MARCHF1: variants seen among roughly 807,000 people sequenced by gnomAD.
MARCHF1 encodes E3 ubiquitin-protein ligase MARCHF1.
A neutral mutation model predicts 54.2 loss-of-function variants in MARCHF1; 40 were observed. That is an observed-to-expected ratio of 0.74 (90% CI 0.57 to 0.96). The LOEUF is 0.96. Ranked by LOEUF, MARCHF1 falls within the 40% of genes least tolerant of loss-of-function variation. MARCHF1 has a pLI of 0.00. For synonymous variants in MARCHF1, 236 were observed against 236.3 expected (o/e 1.00, Z 0.01); for missense variants, 586 against 656.5 (o/e 0.89, Z 1.17).
chr4:164,100,418 CATTT>C (rs1755516171), intron 2 of MARCHF1, among the ~76,000 whole-genome samples: 1 of 152,188 alleles, frequency 6.6e-6, no homozygotes, highest in African/African-American at 2.4e-5. Flanking sequence ...TTCATTTAAA[CATTT>C]AGAGTTCCTT....
chr4:164,096,877 T>C (rs1464156163), intron 2 of MARCHF1, among the ~76,000 whole-genome samples: 1 of 152,178 alleles, frequency 6.6e-6, no homozygotes, highest in Non-Finnish European at 1.5e-5. Flanking sequence ...TAGTGACTGA[T>C]GCTCAGAAGC....
chr4:163,688,125 T>A (rs1169236566), intron 5 of MARCHF1, among the ~76,000 whole-genome samples: 3 of 151,296 alleles, frequency 2.0e-5, no homozygotes, highest in African/African-American at 7.3e-5. Context: ...TAGGGGGTGA[T>A]AAACCACACG....
intron 2 of MARCHF1, among the ~76,000 whole-genome samples, chr4:164,021,495 G>A (rs1753663573): frequency 1.3e-5 from 2 of 152,088 alleles, no homozygotes; most frequent in African/African-American, 4.8e-5. Context: ...AATTAAAAAA[G>A]TTAATTTCTA....
intron 7 of MARCHF1, among the ~76,000 whole-genome samples, chr4:163,607,488 G>A (rs560517724): frequency 2.0e-5 from 3 of 152,214 alleles, no homozygotes; most frequent in African/African-American, 7.2e-5. Context: ...AAGTGGATTT[G>A]AAGGGAAGCA....
At chr4:164,178,868 T>C (rs1354778597) in intron 1 of MARCHF1, among the ~76,000 whole-genome samples, 1 of 152,128 alleles carries the variant, frequency 6.6e-6, no homozygotes, top group East Asian at 1.9e-4. Flanking sequence ...AAATGAAAAT[T>C]ACCAAAACAG....
chr4:163,975,459 T>C (rs1254193056), intron 3 of MARCHF1, among the ~76,000 whole-genome samples: 1 of 152,140 alleles, frequency 6.6e-6, no homozygotes, highest in Non-Finnish European at 1.5e-5. Flanking sequence ...AGATAAACTA[T>C]AAGGCAGCCT....
intron 4 of MARCHF1, among the ~76,000 whole-genome samples, chr4:163,742,636 C>T (rs1289092708): frequency 7.2e-6 from 1 of 139,030 alleles, no homozygotes; most frequent in Admixed American, 7.2e-5. Flanking sequence ...ACCACCATGC[C>T]TGCCTAAATT....
chr4:163,827,026 C>T (rs945327120), intron 4 of MARCHF1, among the ~76,000 whole-genome samples: 1 of 151,866 alleles, frequency 6.6e-6, no homozygotes, highest in African/African-American at 2.4e-5. Flanking sequence ...AAATATGGTA[C>T]AGCCTAAAAT....
intron 2 of MARCHF1, among the ~76,000 whole-genome samples, chr4:164,004,051 T>G (rs530864483): frequency 6.6e-6 from 1 of 152,052 alleles, no homozygotes; most frequent in Non-Finnish European, 1.5e-5. Flanking sequence ...AACCAAGTAT[T>G]GCCTGTGTTC....
At chr4:164,023,272 A>G (rs1039662776) in intron 2 of MARCHF1, among the ~76,000 whole-genome samples, 1 of 152,180 alleles carries the variant, frequency 6.6e-6, no homozygotes, top group African/African-American at 2.4e-5. Flanking sequence ...CTGTGTCACC[A>G]GTGACTGAAG....
Position 164,306,005 on chromosome 4 carries a change from G to A in MARCHF1, c.-323+77865C>T, listed in dbSNP as rs74981218. 4.6e-3 allele frequency among the ~76,000 whole-genome samples: 697 copies of A among 152,192 alleles called. 15 individuals are homozygous for A. The East Asian group carries it at 0.047, about 10-fold the overall frequency. On this transcript the variant is annotated intron_variant, in intron 1 of 9. Transcript: ENST00000514618. ...TACCACCTTGAACTTTTAAGATGTT[G>A]TCACTGATTGTTACGAATAATTCTC...
chr4:163,580,062 ATTAT>A (rs3085769), intron 8 of MARCHF1, among the ~76,000 whole-genome samples: 63 of 144,266 alleles, frequency 4.4e-4, no homozygotes, highest in East Asian at 1.6e-3. Context: ...AGCCTTATTT[ATTAT>A]TTATTTATTT....
intron 9 of MARCHF1, among the ~76,000 whole-genome samples, chr4:163,544,338 A>G (rs1738820506): frequency 1.3e-5 from 2 of 152,228 alleles, no homozygotes; most frequent in Admixed American, 1.3e-4. Context: ...AAATAAACAC[A>G]TAAAAACAAC....
chr4:163,553,327 A>G (rs1472626281), intron 8 of MARCHF1, among the ~76,000 whole-genome samples: 3 of 152,232 alleles, frequency 2.0e-5, no homozygotes, highest in Admixed American at 6.5e-5. Flanking sequence ...CTTACTGTCT[A>G]GATTAATGCG....
intron 5 of MARCHF1, among the ~76,000 whole-genome samples, chr4:163,697,112 T>G (rs1170486580): frequency 6.6e-6 from 1 of 152,084 alleles, no homozygotes; most frequent in Admixed American, 6.6e-5. Flanking sequence ...TGCTGGGATG[T>G]GCTCAATGAG....
At chr4:163,995,080 A>G (rs10005673) in intron 2 of MARCHF1, among the ~76,000 whole-genome samples, 60,069 of 151,728 alleles carry the variant, frequency 0.4, 12,230 homozygotes, top group Middle Eastern at 0.53. Context: ...CCACAGGTTC[A>G]GGGCTCAGTC....
chr4:163,545,606 G>T lies in MARCHF1; in HGVS notation c.1329C>A (p.Gly443=), dbSNP rs1307638732. The change falls in exon 9 of 10, where the codon GGC becomes GGA. Residue 443 remains glycine, a synonymous_variant. Coordinates refer to ENST00000514618, the MANE Select transcript of MARCHF1 (RefSeq NM_001394959.1). The stretch of plus-strand genomic sequence containing the variant: ...AAGATGTGCTCTTACCATTGTCATT[G>T]CCTTGCTTGATTTCCTCCGCTGTCC... The part of the protein sequence containing the change: ...IDRTAEEIKQ[G]NDNGVLEWPF... 7 of 1,613,366 alleles carry T rather than the reference G, an allele frequency of 4.3e-6. No homozygotes were observed. In the Middle Eastern group the frequency reaches 5.0e-4, roughly 114 times the overall value.
rs114327818 is a variant in MARCHF1, at chr4:163,815,491, C to T, written c.111+38530G>A. Among the ~76,000 whole-genome samples, 862 of 152,176 alleles carry T rather than the reference C, an allele frequency of 5.7e-3. 5 individuals carry two copies. Among genetic ancestry groups the T allele is most frequent in the Non-Finnish European group, 8.7e-3 (590 of 67,998 alleles). ...CAGGCTTTGATGAGTTTTATCGGTG[C>T]TACTGATAAAAGTAAAGAGGCTCAG... On this transcript the variant is annotated intron_variant, in intron 4 of 9. Coordinates refer to ENST00000514618, the MANE Select transcript of MARCHF1 (RefSeq NM_001394959.1).
At chr4:163,833,348 A>G (rs1040687624) in intron 4 of MARCHF1, among the ~76,000 whole-genome samples, 6 of 152,232 alleles carry the variant, frequency 3.9e-5, no homozygotes, top group African/African-American at 1.4e-4. Context: ...AATGGCAACA[A>G]AAGCCAAAAT....
Sources: gnomAD v4.1 joint callset for allele counts (sites outside exome capture counted in the v4.1 genomes callset) on GRCh38, gnomAD v4.1.1 for gene constraint, MANE v1.5 for transcripts, NCBI Gene and HGNC (gene_info 2026-07-23, HGNC 2026-07-21) for gene names.